The following HEATR1 variants were observed in gnomAD, a reference collection of about 807,000 sequenced individuals.
HEATR1 encodes HEAT repeat containing 1, also known as HEAT repeat-containing protein 1.
Under a neutral mutation model 248.2 loss-of-function variants are expected in HEATR1, and 77 were observed. That is an observed-to-expected ratio of 0.31 (90% CI 0.26 to 0.37). HEATR1 has a LOEUF of 0.37. Ranked by LOEUF, HEATR1 falls within the 10% of genes least tolerant of loss-of-function variation. The pLI is 1.00. For missense variants in HEATR1, 2,420 were observed against 2,504.9 expected, an observed-to-expected ratio of 0.97 and a Z score of 0.72; for synonymous variants, 897 against 923.1, an observed-to-expected ratio of 0.97 and a Z score of 0.51.
At chr1:236,588,088 C>A in intron 12 of HEATR1, 45 bp from the exon 13 acceptor site, 2 of 1,441,092 alleles carry the variant, frequency 1.4e-6, no homozygotes, top group African/African-American at 1.4e-5. Context: ...TGCCAAAAAT[C>A]TCTTAAGGCT....
At chr1:236,555,032 G>T (rs2103123664) in intron 41 of HEATR1, among the ~76,000 whole-genome samples, 1 of 152,108 alleles carries the variant, frequency 6.6e-6, no homozygotes, top group East Asian at 1.9e-4. Flanking sequence ...CTTAATTTTT[G>T]CGTTTTAAAG....
At chr1:236,600,027 G>T (rs1235490788) in intron 3 of HEATR1, among the ~76,000 whole-genome samples, 3 of 151,490 alleles carry the variant, frequency 2.0e-5, no homozygotes, top group East Asian at 3.9e-4. Flanking sequence ...TGAGTAGCTG[G>T]GACCACAGGG....
At chr1:236,554,538 C>T in intron 42 of HEATR1, 60 bp downstream of exon 42, 1 of 1,527,772 alleles carries the variant, frequency 6.5e-7, no homozygotes, top group Non-Finnish European at 8.9e-7. Context: ...AGATCTAAAA[C>T]CTGCCAAGCT....
Position 236,587,499 on chromosome 1 carries a change from A to C in HEATR1, c.1627-9T>G, listed in dbSNP as rs59989938. 0.02 allele frequency: 27,669 copies of C among 1,389,816 alleles called. 356 individuals are homozygous for C. Among genetic ancestry groups the C allele is most frequent in the Middle Eastern group, 0.044 (226 of 5,114 alleles). 86.1% of individuals were successfully genotyped at this position (1,389,816 alleles called of 1,614,324 possible). Reference sequence around the variant, plus strand: ...AAGTGTTCTTTGAAAATCTAAAGGGAAAAAAATATCCAGAGTAGATTTGTA... The same window carrying C: ...AAGTGTTCTTTGAAAATCTAAAGGGCAAAAAATATCCAGAGTAGATTTGTA... On this transcript the variant is annotated splice_polypyrimidine_tract_variant and intron_variant, in intron 13 of 44. Coordinates refer to ENST00000366582, the MANE Select transcript of HEATR1 (RefSeq NM_018072.6).
chr1:236,567,013 G>T (rs541251202), intron 29 of HEATR1, 137 bp from the exon 30 acceptor site: 4 of 626,702 alleles, frequency 6.4e-6, no homozygotes, highest in East Asian at 5.5e-5. Flanking sequence ...TAGAGACAGG[G>T]TCTTTCTCCA....
At chr1:236,568,892 A>C (rs1406966249) in intron 29 of HEATR1, 104 bp downstream of exon 29, 4 of 592,818 alleles carry the variant, frequency 6.7e-6, no homozygotes, top group Non-Finnish European at 8.9e-6. Flanking sequence ...TATTAAAAAA[A>C]AAAAACAAAA....
At chr1:236,601,422 T>A (rs991183333) in intron 3 of HEATR1, among the ~76,000 whole-genome samples, 1 of 152,170 alleles carries the variant, frequency 6.6e-6, no homozygotes, top group African/African-American at 2.4e-5. Flanking sequence ...AATTTTTGTA[T>A]TTTTCACACA....
At chr1:236,555,181 C>T (rs1662928350) in intron 41 of HEATR1, 115 bp downstream of exon 41, 2 of 1,086,298 alleles carry the variant, frequency 1.8e-6, no homozygotes, top group East Asian at 4.7e-5. Context: ...CCCTCCTTAG[C>T]TTAGGACTTA....
chr1:236,588,138 C>G, intron 12 of HEATR1, 95 bp from the exon 13 acceptor site: 1 of 833,982 alleles, frequency 1.2e-6, no homozygotes, highest in Non-Finnish European at 1.9e-6. Context: ...AAAAACACTC[C>G]AGAATGACAG....
In HEATR1 at chr1:236,549,566, T is replaced by TTAA. The variant is rs1662619325; in HGVS notation, c.*1333_*1335dup. ...TACTCAGTGTAGAAATCGCTAGCCC[T>TTAA]TAATTCTTTTCCAGCTTTTCATATT... On this transcript the variant is annotated 3_prime_UTR_variant, in exon 45 of 45. Coordinates refer to ENST00000366582, the MANE Select transcript of HEATR1 (RefSeq NM_018072.6). 6.6e-6 allele frequency: 1 copy of TTAA among 152,152 alleles called. No homozygotes were observed. The highest frequency in any genetic ancestry group is 1.5e-5 in the Non-Finnish European group (1 of 68,028). 9.4% of individuals were successfully genotyped at this position (152,152 alleles called of 1,614,324 possible).
chr1:236,603,041 G>A, intron 3 of HEATR1, 119 bp downstream of exon 3: 3 of 679,052 alleles, frequency 4.4e-6, no homozygotes, highest in Non-Finnish European at 7.7e-6. Context: ...AATGGACATT[G>A]TATCAATCTC....
At chr1:236,588,674 A>G (rs1487964316) in intron 12 of HEATR1, among the ~76,000 whole-genome samples, 1 of 152,250 alleles carries the variant, frequency 6.6e-6, no homozygotes, top group Non-Finnish European at 1.5e-5. Context: ...AAAAGAAAAC[A>G]ATGTATATTC....
intron 32 of HEATR1, among the ~76,000 whole-genome samples, chr1:236,561,692 T>C (rs1663138041): frequency 6.6e-6 from 1 of 152,208 alleles, no homozygotes; most frequent in African/African-American, 2.4e-5. Context: ...ATCCCAAATC[T>C]GCTTCCAAAT....
Position 236,550,770 on chromosome 1 carries a change from G to T in HEATR1, c.*132C>A. The T allele has an allele frequency of 1.5e-6, 1 of 670,600 alleles. No individual in the cohort carries two copies. Among genetic ancestry groups the T allele is most frequent in the Non-Finnish European group, 2.5e-6 (1 of 399,476 alleles). The allele number at this position is 670,600 out of a possible 1,614,324, so 41.5% of individuals were successfully genotyped here. The stretch of plus-strand genomic sequence containing the variant: ...CCAGGTGGGGATTTTGTAAAGAAGT[G>T]ATAAAACATTTGTAAGTAATCCAAG... On this transcript the variant is annotated 3_prime_UTR_variant, in exon 45 of 45. Coordinates refer to ENST00000366582, the MANE Select transcript of HEATR1 (RefSeq NM_018072.6).
chr1:236,587,513 A>G, intron 13 of HEATR1, 23 bp from the exon 14 acceptor site: 1 of 1,264,308 alleles, frequency 7.9e-7, no homozygotes. Context: ...AAATATCCAG[A>G]GTAGATTTGT....
intron 11 of HEATR1, among the ~76,000 whole-genome samples, 186 bp downstream of exon 11, chr1:236,591,807 A>G (rs1221329862): frequency 2.0e-5 from 3 of 152,176 alleles, no homozygotes; most frequent in African/African-American, 7.2e-5. Context: ...AAATTATTGT[A>G]CCTTTCTCCA....
At chr1:236,574,637 T>TA (rs1390143023) in intron 23 of HEATR1, 24 bp downstream of exon 23, 10 of 1,604,610 alleles carry the variant, frequency 6.2e-6, no homozygotes, top group Non-Finnish European at 8.5e-6. Flanking sequence ...TGCTATGCCT[T>TA]AGTTTCTGAA....
rs1205038203 is a variant in HEATR1, at chr1:236,599,564, C to T, written c.420G>A (p.Glu140=). 3.7e-6 allele frequency: 6 copies of T among 1,613,676 alleles called. No homozygotes were observed. Among genetic ancestry groups the T allele is most frequent in the Non-Finnish European group, 5.1e-6 (6 of 1,179,750 alleles). Residue 140 remains glutamate (E), a synonymous_variant, in exon 4 of 45, where the codon GAG becomes GAA. Transcript: ENST00000366582. The part of the protein sequence containing the change: ...SLIACVLPYH[E]TRIFVRVIQL... The stretch of plus-strand genomic sequence containing the variant: ...GTATGACTCGCACAAATATTCTTGT[C>T]TCGTGGTATGGCAGAACACAAGCAA...
Position 236,557,262 on chromosome 1 carries a change from G to A in HEATR1, c.5288C>T (p.Ala1763Val). 2 of 1,614,214 alleles carry A rather than the reference G, an allele frequency of 1.2e-6. No homozygotes were observed. Among genetic ancestry groups the A allele is most frequent in the Non-Finnish European group, 1.7e-6 (2 of 1,180,030 alleles). The change falls in exon 37 of 45, where the codon GCT becomes GTT. Residue 1763 changes from alanine (A) to valine (V), a missense_variant. Physicochemically the swap from Ala to Val is moderately conservative, Grantham distance 64. Coordinates refer to ENST00000366582, the MANE Select transcript of HEATR1 (RefSeq NM_018072.6). ...SEVYLLSALA[A>V]LQKVVETLPH... ...GAGAGTCTCCACAACCTTCTGCAGA[G>A]CAGCCAAGGCACTGAGCAGGTAGAC...
Sources: allele counts gnomAD v4.1 joint callset (sites outside exome capture counted in the v4.1 genomes callset), GRCh38; gene constraint gnomAD v4.1.1; transcripts MANE v1.5; gene names NCBI Gene and HGNC (gene_info 2026-07-23, HGNC 2026-07-21).